Variants in CUX2 observed in about 807,000 individuals in gnomAD.
CUX2 encodes the protein cut like homeobox 2.
CUX2 carries 40 observed loss-of-function variants against 144.8 expected under a neutral mutation model. The ratio of observed to expected loss-of-function variants is 0.28; its 90% CI spans 0.21 to 0.36. CUX2 has a LOEUF of 0.36. CUX2 is among the 10% of genes least tolerant of loss of function. The pLI, the probability that CUX2 is intolerant of heterozygous loss-of-function variation, is 1.00. For synonymous variants in CUX2, 827 were observed against 875.6 expected, an observed-to-expected ratio of 0.94 and a Z score of 0.98; for missense variants, 1,615 against 1,994.0, an observed-to-expected ratio of 0.81 and a Z score of 3.62.
At chr12:111,192,947 T>C (rs1879989785) in intron 1 of CUX2, among the ~76,000 whole-genome samples, 1 of 152,246 alleles carries the variant, frequency 6.6e-6, no homozygotes, top group African/African-American at 2.4e-5. Flanking sequence ...ATGATGACTA[T>C]TGATTGCTGT....
intron 1 of CUX2, among the ~76,000 whole-genome samples, chr12:111,087,100 C>T (rs1379594593): frequency 6.6e-6 from 1 of 152,084 alleles, no homozygotes; most frequent in Non-Finnish European, 1.5e-5. Flanking sequence ...TGGCTCACAC[C>T]TGCAAGCCCA....
At position 111,075,560 on chromosome 12, in the gene CUX2, G is replaced by A. The variant is rs186142532; in HGVS notation, c.63+41320G>A. On this transcript the variant is annotated intron_variant, in intron 1 of 21. Transcript: ENST00000261726. ...TGGGGGCAGCGTTCGGATGCGGAGA[G>A]GGAGCTGCTCACCTTCCATGTCCAT... Among the ~76,000 whole-genome samples, 178 of 152,260 alleles carry A rather than the reference G, an allele frequency of 1.2e-3. 1 individual carries two copies. Among genetic ancestry groups the A allele is most frequent in the South Asian group, 2.5e-3 (12 of 4,828 alleles).
chr12:111,271,196 T>A (rs1214598318), intron 4 of CUX2, among the ~76,000 whole-genome samples: 1 of 152,134 alleles, frequency 6.6e-6, no homozygotes, highest in African/African-American at 2.4e-5. Context: ...AATAGGAAAA[T>A]GCTCTACAAC....
At chr12:111,342,956 CAAAAA>C (rs11314694) in intron 21 of CUX2, among the ~76,000 whole-genome samples, 5 of 68,466 alleles carry the variant, frequency 7.3e-5, no homozygotes, top group Non-Finnish European at 1.4e-4. Flanking sequence ...GAGACTATCT[CAAAAA>C]AAAAAAAAAA....
chr12:111,111,812 TGCTAACGGCA>T (rs1406889145), intron 1 of CUX2, among the ~76,000 whole-genome samples: 4 of 152,102 alleles, frequency 2.6e-5, no homozygotes, highest in African/African-American at 9.7e-5. Context: ...GTTTGAGTCT[TGCTAACGGCA>T]GCAAGTCCCC....
intron 1 of CUX2, among the ~76,000 whole-genome samples, chr12:111,213,305 T>G (rs1260876713): frequency 6.6e-6 from 1 of 152,228 alleles, no homozygotes; most frequent in Non-Finnish European, 1.5e-5. Flanking sequence ...TGACAACTCA[T>G]GGTGAATTGT....
At chr12:111,076,354 C>T (rs1483050198) in intron 1 of CUX2, among the ~76,000 whole-genome samples, 1 of 152,210 alleles carries the variant, frequency 6.6e-6, no homozygotes, top group Non-Finnish European at 1.5e-5. Context: ...GAATAATTCC[C>T]ATGTGCCTCC....
At position 111,287,692 on chromosome 12, in the gene CUX2, C is replaced by T. The variant is rs924003583; in HGVS notation, c.302-3726C>T. On this transcript the variant is annotated intron_variant, in intron 4 of 21. Coordinates refer to ENST00000261726, the MANE Select transcript of CUX2 (RefSeq NM_015267.4). This position sits in a 1 kb window ranked among gnomAD's most constrained non-coding sequence, Gnocchi z 4.2. ...CCTAATGACGGGGCGTGGGGGCTGCCGGCAGATGAAAGCCACCGCCGCCTT... is the reference window on the plus strand; with the variant it reads ...CCTAATGACGGGGCGTGGGGGCTGCTGGCAGATGAAAGCCACCGCCGCCTT... Among the ~76,000 whole-genome samples the T allele has an allele frequency of 8.5e-5, 13 of 152,328 alleles. No homozygotes were observed. The highest frequency in any genetic ancestry group is 1.5e-4 in the Non-Finnish European group (10 of 68,024).
chr12:111,180,096 A>AC (rs1592809078), intron 1 of CUX2, among the ~76,000 whole-genome samples: 1 of 135,862 alleles, frequency 7.4e-6, no homozygotes, highest in Admixed American at 7.4e-5. Flanking sequence ...GGGCCCCCTG[A>AC]CCCCACCCTC....
At chr12:111,072,162 G>T (rs1163624021) in intron 1 of CUX2, among the ~76,000 whole-genome samples, 2 of 152,138 alleles carry the variant, frequency 1.3e-5, no homozygotes, top group Non-Finnish European at 1.5e-5. Context: ...AGCTGGCTGG[G>T]ATTTTAACTG....
intron 9 of CUX2, 43 bp downstream of exon 9, chr12:111,298,632 T>A: frequency 6.5e-7 from 1 of 1,538,162 alleles, no homozygotes; most frequent in Non-Finnish European, 8.8e-7. Flanking sequence ...AGAGGCTCCC[T>A]CTGCCTGGGG....
chr12:111,119,832 A>T (rs952363225), intron 1 of CUX2, among the ~76,000 whole-genome samples: 2 of 152,184 alleles, frequency 1.3e-5, no homozygotes, highest in Non-Finnish European at 2.9e-5. Context: ...CCAAGGCGGG[A>T]GGATCACCTG....
chr12:111,206,193 G>A (rs1880911895), intron 1 of CUX2, among the ~76,000 whole-genome samples: 1 of 152,202 alleles, frequency 6.6e-6, no homozygotes, highest in Non-Finnish European at 1.5e-5. Flanking sequence ...TTAGCTGGGT[G>A]TGGTGGTTTG....
intron 18 of CUX2, among the ~76,000 whole-genome samples, chr12:111,324,750 T>G (rs1447078973): frequency 6.6e-6 from 1 of 152,062 alleles, no homozygotes; most frequent in Admixed American, 6.6e-5. Context: ...TCCACCCACC[T>G]TGGCCTCCCA....
chr12:111,203,915 G>T (rs976993399), intron 1 of CUX2, among the ~76,000 whole-genome samples: 2 of 152,218 alleles, frequency 1.3e-5, no homozygotes, highest in Non-Finnish European at 2.9e-5. Flanking sequence ...ATTTACATCA[G>T]CCTGATGATA....
chr12:111,054,792 A>G (rs1357515110), intron 1 of CUX2, among the ~76,000 whole-genome samples: 1 of 151,962 alleles, frequency 6.6e-6, no homozygotes, highest in Non-Finnish European at 1.5e-5. Context: ...ACGCCCGCCT[A>G]ATTTTTGTAT....
At chr12:111,184,627 C>T (rs1036757247) in intron 1 of CUX2, among the ~76,000 whole-genome samples, 11 of 146,954 alleles carry the variant, frequency 7.5e-5, no homozygotes, top group African/African-American at 1.3e-4. Context: ...TAAGGTGGCA[C>T]GCACCTGTAA....
chr12:111,221,004 A>G (rs1013786459), intron 3 of CUX2, among the ~76,000 whole-genome samples: 1 of 151,414 alleles, frequency 6.6e-6, no homozygotes, highest in Non-Finnish European at 1.5e-5. Flanking sequence ...AGGCAGTCCC[A>G]GGGTCTGGCA....
At chr12:111,145,401 A>G (rs955048883) in intron 1 of CUX2, among the ~76,000 whole-genome samples, 21 of 152,186 alleles carry the variant, frequency 1.4e-4, no homozygotes, top group Admixed American at 9.2e-4. Context: ...TCACTCTGCC[A>G]TCCAGGCCAA....
Sources: allele counts gnomAD v4.1 joint callset (sites outside exome capture counted in the v4.1 genomes callset), GRCh38; gene constraint gnomAD v4.1.1; non-coding constraint Gnocchi (gnomAD v3.1); transcripts MANE v1.5; gene names NCBI Gene and HGNC (gene_info 2026-07-23, HGNC 2026-07-21).